DLGAP2: variants seen among roughly 807,000 people sequenced by gnomAD.
The protein encoded by DLGAP2 is disks large-associated protein 2.
In DLGAP2, 26 loss-of-function variants were observed where a neutral mutation model predicts 100.3. The observed-to-expected ratio is 0.26, with a 90% CI of 0.19 to 0.36. The LOEUF is 0.36. Among genes scored for constraint, DLGAP2 ranks in the 10% least tolerant of loss-of-function variants. DLGAP2 has a pLI of 1.00. For missense variants in DLGAP2, 1,858 were observed against 1,453.2 expected (o/e 1.28, Z -4.53); for synonymous variants, 886 against 630.1 (o/e 1.41, Z -6.08).
chr8:1,575,733 C>T (rs1430951848), intron 6 of DLGAP2, among the ~76,000 whole-genome samples: 2 of 149,286 alleles, frequency 1.3e-5, no homozygotes, highest in Non-Finnish European at 3.0e-5. Flanking sequence ...GTTTTTTGTT[C>T]TTGTGATAGT....
At chr8:1,517,406 C>A (rs1017422391) in intron 4 of DLGAP2, among the ~76,000 whole-genome samples, 5 of 152,144 alleles carry the variant, frequency 3.3e-5, no homozygotes, top group African/African-American at 1.2e-4. Context: ...CCCCTGGGCG[C>A]CCAGTGCTTG....
At chr8:1,301,498 T>C (rs1484915228) in intron 3 of DLGAP2, 1 of 152,170 alleles carries the variant, frequency 6.6e-6, no homozygotes, top group East Asian at 1.9e-4. Context: ...AAGATAGGTC[T>C]GAGGTTCATG....
chr8:1,096,241 C>T (rs895847553), intron 2 of DLGAP2, among the ~76,000 whole-genome samples: 1 of 152,322 alleles, frequency 6.6e-6, no homozygotes, highest in Middle Eastern at 3.4e-3. Flanking sequence ...CTCTAAGAAG[C>T]ACCTGGGCCA....
intron 1 of DLGAP2, among the ~76,000 whole-genome samples, chr8:845,576 C>A (rs958666342): frequency 6.6e-6 from 1 of 152,126 alleles, no homozygotes; most frequent in Non-Finnish European, 1.5e-5. Context: ...AGACGTATGA[C>A]CTGCAAATAA....
At chr8:1,070,432 A>G (rs1370828466) in intron 2 of DLGAP2, among the ~76,000 whole-genome samples, 1 of 152,132 alleles carries the variant, frequency 6.6e-6, no homozygotes, top group Non-Finnish European at 1.5e-5. Context: ...AGTTTTAGAA[A>G]TGCTCTTGCT....
chr8:1,148,329 G>T (rs958972410), intron 2 of DLGAP2, among the ~76,000 whole-genome samples: 2 of 151,864 alleles, frequency 1.3e-5, no homozygotes, highest in African/African-American at 4.8e-5. Context: ...TGATGTTATT[G>T]CTTTAAGCTT....
intron 1 of DLGAP2, among the ~76,000 whole-genome samples, chr8:849,521 G>T (rs1361933204): frequency 6.6e-6 from 1 of 152,180 alleles, no homozygotes; most frequent in African/African-American, 2.4e-5. Context: ...TTTATGAGAA[G>T]CTGCCAAGCT....
chr8:1,567,111 C>A (rs1448671311), intron 6 of DLGAP2, among the ~76,000 whole-genome samples: 2 of 152,138 alleles, frequency 1.3e-5, no homozygotes, highest in Non-Finnish European at 2.9e-5. Context: ...TGTTTGTAAG[C>A]CAGGAAATAA....
chr8:1,483,897 A>T (rs1408318081), intron 3 of DLGAP2, among the ~76,000 whole-genome samples: 2 of 152,258 alleles, frequency 1.3e-5, no homozygotes, highest in Admixed American at 1.3e-4. Context: ...CAAACATAGC[A>T]ACACAATATA....
intron 2 of DLGAP2, among the ~76,000 whole-genome samples, chr8:1,009,837 C>T (rs59483219): frequency 0.014 from 2,118 of 152,296 alleles, 48 homozygotes; most frequent in African/African-American, 0.049. Flanking sequence ...ATTATCTAAA[C>T]CAGATAAAAT....
intron 1 of DLGAP2, among the ~76,000 whole-genome samples, chr8:890,828 G>A (rs994426130): frequency 1.1e-4 from 16 of 152,166 alleles, no homozygotes; most frequent in South Asian, 4.2e-4. Flanking sequence ...ACCCTGGGGC[G>A]TTTCCCGACC....
chr8:1,439,641 G>A (rs778565447), intron 3 of DLGAP2, among the ~76,000 whole-genome samples: 1 of 152,148 alleles, frequency 6.6e-6, no homozygotes, highest in Non-Finnish European at 1.5e-5. Context: ...AGGACGGAGT[G>A]CGCAGAGAGA....
chr8:1,458,450 T>A (rs1798381636), intron 3 of DLGAP2, among the ~76,000 whole-genome samples: 2 of 152,188 alleles, frequency 1.3e-5, no homozygotes, highest in Admixed American at 1.3e-4. Flanking sequence ...GACTGATACT[T>A]CACTGTTTTT....
At chr8:950,623 T>A in intron 2 of DLGAP2, among the ~76,000 whole-genome samples, 1 of 83,582 alleles carries the variant, frequency 1.2e-5, no homozygotes, top group South Asian at 3.6e-4. Context: ...TTTCTTTTTC[T>A]TTTTTTTTTT....
intron 1 of DLGAP2, among the ~76,000 whole-genome samples, chr8:786,871 G>T (rs563820844): frequency 2.0e-5 from 3 of 152,150 alleles, no homozygotes; most frequent in Non-Finnish European, 4.4e-5. Context: ...GGGTTACCTG[G>T]TGATTTGAAA....
chr8:1,348,972 G>A (rs1282219382), intron 3 of DLGAP2, among the ~76,000 whole-genome samples: 2 of 152,064 alleles, frequency 1.3e-5, no homozygotes, highest in Non-Finnish European at 2.9e-5. Flanking sequence ...CTTCCTTAGA[G>A]ATATTTTTAA....
At chr8:1,330,243 G>A (rs1307681619) in intron 3 of DLGAP2, among the ~76,000 whole-genome samples, 1 of 152,026 alleles carries the variant, frequency 6.6e-6, no homozygotes, top group Non-Finnish European at 1.5e-5. Context: ...TTCTGGGTGG[G>A]AGCACCGCTT....
chr8:1,130,327 G>T (rs1273850426), intron 2 of DLGAP2, among the ~76,000 whole-genome samples: 2 of 152,082 alleles, frequency 1.3e-5, no homozygotes. Flanking sequence ...GATTGTATGG[G>T]TGTATTTATT....
rs540397108 is a variant in DLGAP2 at position 1,704,494 on chromosome 8, G to A, written c.*3088G>A. On this transcript the variant is annotated 3_prime_UTR_variant, in exon 15 of 15. Coordinates refer to ENST00000637795, the MANE Select transcript of DLGAP2 (RefSeq NM_001346810.2). ...TCACCTAGAGTGCTTTCCTTGTGAT[G>A]CGTCTCTCGCATCTTCACGTGTTGT... The A allele has an allele frequency of 6.6e-6, 1 of 152,238 alleles. No homozygotes were observed. The highest frequency in any genetic ancestry group is 2.4e-5 in the African/African-American group (1 of 41,456). 9.4% of individuals were successfully genotyped at this position (152,238 alleles called of 1,614,324 possible).
Sources: allele counts gnomAD v4.1 joint callset (sites outside exome capture counted in the v4.1 genomes callset), GRCh38; gene constraint gnomAD v4.1.1; transcripts MANE v1.5; gene names NCBI Gene and HGNC (gene_info 2026-07-23, HGNC 2026-07-21).